Variants in RAB3GAP2 observed in about 807,000 individuals in gnomAD.
RAB3GAP2 encodes RAB3 GTPase activating non-catalytic protein subunit 2.
RAB3GAP2 carries 87 observed loss-of-function variants against 185.3 expected under a neutral mutation model. That is an observed-to-expected ratio of 0.47 (90% CI 0.39 to 0.56). The LOEUF (loss-of-function observed/expected upper bound fraction) is 0.56, where lower values mean the gene tolerates loss of function less well. RAB3GAP2 is among the 20% of genes least tolerant of loss of function. The probability of loss-of-function intolerance (pLI) is 0.00; values close to 1 mark genes in which losing one functional copy is unlikely to be tolerated. For missense variants in RAB3GAP2, 1,492 were observed against 1,638.2 expected (o/e 0.91, Z 1.54); for synonymous variants, 554 against 576.1 (o/e 0.96, Z 0.55).
intron 1 of RAB3GAP2, among the ~76,000 whole-genome samples, chr1:220,262,629 A>G (rs1660161384): frequency 6.6e-6 from 1 of 152,226 alleles, no homozygotes; most frequent in Non-Finnish European, 1.5e-5. Context: ...CATTCATGTT[A>G]TAGCATGTGA....
rs375343921 is a variant in RAB3GAP2, at chr1:220,223,509, G to C, written c.180+9290C>G. On this transcript the variant is annotated intron_variant, in intron 2 of 34. Transcript: ENST00000358951. The stretch of plus-strand genomic sequence containing the variant: ...ACTTTACCCATTAATTTAAAATATA[G>C]ATTAAAACACTGAAATGGCATTTTA... 5.9e-5 allele frequency among the ~76,000 whole-genome samples: 9 copies of C among 152,150 alleles called. No homozygotes were observed. In the East Asian group the frequency reaches 1.2e-3, roughly 20 times the overall value.
At chr1:220,265,280 T>A (rs557146640) in intron 1 of RAB3GAP2, among the ~76,000 whole-genome samples, 14 of 152,230 alleles carry the variant, frequency 9.2e-5, no homozygotes, top group Admixed American at 5.2e-4. Flanking sequence ...TCTCAGAGAT[T>A]GCTTAAAAAC....
intron 17 of RAB3GAP2, among the ~76,000 whole-genome samples, chr1:220,187,758 C>G (rs1658532025): frequency 6.6e-6 from 1 of 151,994 alleles, no homozygotes; most frequent in South Asian, 2.1e-4. Flanking sequence ...ACCTCTTCCA[C>G]TTGGCTGTTG....
chr1:220,213,477 CATA>C (rs1659121502), intron 3 of RAB3GAP2, among the ~76,000 whole-genome samples: 1 of 151,736 alleles, frequency 6.6e-6, no homozygotes, highest in South Asian at 2.1e-4. Context: ...AACAGAAATC[CATA>C]ATATTATGAG....
At chr1:220,253,550 A>C (rs548520232) in intron 1 of RAB3GAP2, 66 of 1,580,066 alleles carry the variant, frequency 4.2e-5, no homozygotes, top group Admixed American at 1.2e-4. Flanking sequence ...GAGAAGGAGG[A>C]GGCGGCAAAT....
chr1:220,197,083 T>C (rs1658742946), intron 9 of RAB3GAP2, among the ~76,000 whole-genome samples: 1 of 151,360 alleles, frequency 6.6e-6, no homozygotes, highest in South Asian at 2.1e-4. Context: ...GCCTCCCAGG[T>C]TCAAGCGATT....
chr1:220,203,004 T>C (rs1375759820), intron 8 of RAB3GAP2, among the ~76,000 whole-genome samples: 1 of 152,160 alleles, frequency 6.6e-6, no homozygotes, highest in African/African-American at 2.4e-5. Flanking sequence ...TGATGCCAAG[T>C]AAGCAATTTC....
chr1:220,191,412 A>G, intron 13 of RAB3GAP2, 128 bp from the exon 14 acceptor site: 2 of 666,446 alleles, frequency 3.0e-6, no homozygotes, highest in Admixed American at 2.5e-5. Context: ...TATATTTTTT[A>G]TTATGGAATA....
Position 220,167,560 on chromosome 1 carries a change from A to G in RAB3GAP2, c.2922T>C (p.Gly974=), listed in dbSNP as rs1437597491. ...DAENPDEPKE[G]VNRSFLEVSE... ...ATACCTCAAGGAAACTTCTGTTAAC[A>G]CCTTCTTTGGGTTCATCTGGGTTTT... Residue 974 remains glycine, a synonymous_variant, in exon 25 of 35, where the codon GGT becomes GGC. Transcript: ENST00000358951. 6.2e-7 allele frequency: 1 copy of G among 1,614,106 alleles called. No individual in the cohort carries two copies. Among genetic ancestry groups the G allele is most frequent in the South Asian group, 1.1e-5 (1 of 91,072 alleles).
At chr1:220,250,030 G>A (rs1659901318) in intron 1 of RAB3GAP2, among the ~76,000 whole-genome samples, 1 of 152,214 alleles carries the variant, frequency 6.6e-6, no homozygotes, top group African/African-American at 2.4e-5. Flanking sequence ...CCCACACAGA[G>A]TCCCCACTAG....
At chr1:220,206,144 A>C (rs1658961145) in intron 7 of RAB3GAP2, 138 bp from the exon 8 acceptor site, 1 of 604,890 alleles carries the variant, frequency 1.7e-6, no homozygotes, top group Non-Finnish European at 2.9e-6. Context: ...CAGTAAAAAT[A>C]GATAAAAAAT....
chr1:220,179,188 G>T (rs1240118609), intron 21 of RAB3GAP2, among the ~76,000 whole-genome samples: 2 of 145,124 alleles, frequency 1.4e-5, no homozygotes, highest in Non-Finnish European at 3.0e-5. Context: ...GGTAGAGGTT[G>T]CAGTGAGCCG....
intron 1 of RAB3GAP2, chr1:220,253,590 G>A (rs1316492677): frequency 5.1e-5 from 80 of 1,581,254 alleles, no homozygotes; most frequent in Middle Eastern, 2.1e-4. Flanking sequence ...AGCAGGACCC[G>A]AAGCCTAAAT....
chr1:220,211,391 T>C (rs1170823770), intron 4 of RAB3GAP2: 3 of 464,736 alleles, frequency 6.5e-6, no homozygotes, highest in South Asian at 4.6e-5. Flanking sequence ...AACTTCAGCC[T>C]GCCTCTTGTT....
chr1:220,192,154 A>G (rs1172656375), intron 13 of RAB3GAP2, among the ~76,000 whole-genome samples: 2 of 152,240 alleles, frequency 1.3e-5, no homozygotes, highest in Non-Finnish European at 2.9e-5. Context: ...GTATTTTAGA[A>G]AAGTCTTGCT....
chr1:220,227,955 G>A (rs1446500067), intron 2 of RAB3GAP2, among the ~76,000 whole-genome samples: 3 of 152,266 alleles, frequency 2.0e-5, no homozygotes, highest in South Asian at 2.1e-4. Flanking sequence ...GTTTTGCCAC[G>A]TTGGCCAGAC....
chr1:220,214,075 GA>G, intron 2 of RAB3GAP2, 96 bp from the exon 3 acceptor site: 1 of 1,214,312 alleles, frequency 8.2e-7, no homozygotes, highest in South Asian at 1.3e-5. Context: ...AGAAAAAAAA[GA>G]AAAGGAAATA....
At chr1:220,193,596 T>C (rs1227566795) in intron 12 of RAB3GAP2, among the ~76,000 whole-genome samples, 1 of 152,220 alleles carries the variant, frequency 6.6e-6, no homozygotes, top group Non-Finnish European at 1.5e-5. Flanking sequence ...AGGTTTTCAA[T>C]AGATACCCAC....
intron 2 of RAB3GAP2, among the ~76,000 whole-genome samples, chr1:220,224,542 A>C (rs972114826): frequency 6.6e-6 from 1 of 152,168 alleles, no homozygotes; most frequent in Admixed American, 6.5e-5. Context: ...GAGTAGAATA[A>C]TGTGTAAAAT....
Sources: gnomAD v4.1 joint callset for allele counts (sites outside exome capture counted in the v4.1 genomes callset) on GRCh38, gnomAD v4.1.1 for gene constraint, MANE v1.5 for transcripts, NCBI Gene and HGNC (gene_info 2026-07-23, HGNC 2026-07-21) for gene names.